The following ERBB4 variants were observed in gnomAD, a reference collection of about 807,000 sequenced individuals.
ERBB4 encodes the protein receptor tyrosine-protein kinase erbB-4.
ERBB4 carries 42 observed loss-of-function variants against 158.0 expected under a neutral mutation model. That is an observed-to-expected ratio of 0.27 (90% CI 0.21 to 0.34). The LOEUF (loss-of-function observed/expected upper bound fraction) is 0.34. Ranked by LOEUF, ERBB4 falls within the 10% of genes least tolerant of loss-of-function variation. The pLI is 1.00. For synonymous variants in ERBB4, 583 were observed against 558.7 expected, an observed-to-expected ratio of 1.04 and a Z score of -0.61; for missense variants, 1,333 against 1,624.1, an observed-to-expected ratio of 0.82 and a Z score of 3.08.
chr2:211,705,991 C>T (rs1043552439), intron 9 of ERBB4, among the ~76,000 whole-genome samples: 5 of 152,018 alleles, frequency 3.3e-5, no homozygotes, highest in African/African-American at 1.2e-4. Flanking sequence ...TTCATATTCA[C>T]GTTTATAACA....
intron 1 of ERBB4, among the ~76,000 whole-genome samples, chr2:212,392,737 C>A (rs1034568562): frequency 6.6e-6 from 1 of 151,954 alleles, no homozygotes; most frequent in African/African-American, 2.4e-5. Flanking sequence ...CTTTTTTGTG[C>A]AATAATCACA....
At position 212,521,839 on chromosome 2, in the gene ERBB4, C is replaced by T. The variant is rs370695709; in HGVS notation, c.82+16610G>A. On this transcript the variant is annotated intron_variant, in intron 1 of 27. Transcript: ENST00000342788. ...TTTTACTCCTTGCAAAGTTTTACTTCGCATGATCAATTCCAAAAAGTTACT... is the reference window on the plus strand; with the variant it reads ...TTTTACTCCTTGCAAAGTTTTACTTTGCATGATCAATTCCAAAAAGTTACT... 1.3e-4 allele frequency among the ~76,000 whole-genome samples: 19 copies of T among 151,980 alleles called. No individual in the cohort carries two copies. The South Asian group carries it at 2.3e-3, about 18-fold the overall frequency.
At chr2:211,893,627 T>C in intron 3 of ERBB4, among the ~76,000 whole-genome samples, 1 of 136,776 alleles carries the variant, frequency 7.3e-6, no homozygotes, top group Non-Finnish European at 1.6e-5. Context: ...ACAGGCAACC[T>C]ACAAAATGGG....
intron 1 of ERBB4, among the ~76,000 whole-genome samples, chr2:212,322,478 T>C (rs1505346): frequency 0.89 from 134,371 of 150,340 alleles, 60,779 homozygotes; most frequent in Middle Eastern, 0.97. Flanking sequence ...GATTACTAAA[T>C]GTCTTCTAGA....
chr2:212,516,094 T>C (rs1691824837), intron 1 of ERBB4, among the ~76,000 whole-genome samples: 1 of 151,868 alleles, frequency 6.6e-6, no homozygotes, highest in African/African-American at 2.4e-5. Context: ...TTAAACATAA[T>C]AGAAAGCATA....
rs187300972 is a variant in ERBB4 at position 212,109,541 on chromosome 2, T to C, written c.234+15211A>G. Among the ~76,000 whole-genome samples, 5 of 152,342 alleles carry C rather than the reference T, an allele frequency of 3.3e-5. No individual in the cohort carries two copies. The East Asian group carries it at 9.7e-4, about 29-fold the overall frequency. The stretch of plus-strand genomic sequence containing the variant: ...AACATATTGTCCCAATTGCCTATTA[T>C]AGACACACTCTAGTCAGTCAATTCT... On this transcript the variant is annotated intron_variant, in intron 2 of 27. Transcript: ENST00000342788.
At chr2:212,520,853 A>AT (rs1692121077) in intron 1 of ERBB4, among the ~76,000 whole-genome samples, 1 of 151,760 alleles carries the variant, frequency 6.6e-6, no homozygotes, top group Admixed American at 6.6e-5. Context: ...TGGCACATCA[A>AT]TGTTAATTAG....
At chr2:211,900,140 C>A (rs186589363) in intron 3 of ERBB4, among the ~76,000 whole-genome samples, 1 of 152,154 alleles carries the variant, frequency 6.6e-6, no homozygotes, top group East Asian at 1.9e-4. Flanking sequence ...ATATAAATAC[C>A]CAGGAGTGTC....
chr2:212,509,804 T>G (rs1457352355), intron 1 of ERBB4, among the ~76,000 whole-genome samples: 3 of 151,966 alleles, frequency 2.0e-5, no homozygotes, highest in African/African-American at 7.2e-5. Context: ...TAAAAAGCTG[T>G]TGAACTTACA....
intron 18 of ERBB4, among the ~76,000 whole-genome samples, chr2:211,620,737 T>G (rs1043396576): frequency 1.3e-5 from 2 of 152,152 alleles, no homozygotes; most frequent in Non-Finnish European, 2.9e-5. Context: ...AGGCTTATTA[T>G]TCATTATTCA....
intron 1 of ERBB4, among the ~76,000 whole-genome samples, chr2:212,334,764 A>G (rs1012814633): frequency 1.1e-4 from 16 of 152,154 alleles, no homozygotes; most frequent in African/African-American, 3.1e-4. Context: ...TCTGATGCCA[A>G]TGAATTTAGA....
At chr2:212,158,902 C>T (rs577486630) in intron 1 of ERBB4, among the ~76,000 whole-genome samples, 2 of 152,052 alleles carry the variant, frequency 1.3e-5, no homozygotes, top group East Asian at 1.9e-4. Context: ...TTATAGCATA[C>T]AGAGTGGAAT....
intron 1 of ERBB4, among the ~76,000 whole-genome samples, chr2:212,357,710 C>A (rs1447854214): frequency 6.6e-6 from 1 of 151,766 alleles, no homozygotes; most frequent in Non-Finnish European, 1.5e-5. Flanking sequence ...ACGTAGCTTT[C>A]TATCAAAGAC....
At chr2:212,514,195 G>C (rs987905117) in intron 1 of ERBB4, among the ~76,000 whole-genome samples, 1 of 149,142 alleles carries the variant, frequency 6.7e-6, no homozygotes, top group South Asian at 2.1e-4. Flanking sequence ...AAAAAAAAAA[G>C]CTTTGCTGCA....
intron 1 of ERBB4, among the ~76,000 whole-genome samples, chr2:212,353,345 T>C (rs1574750195): frequency 6.6e-6 from 1 of 150,504 alleles, no homozygotes; most frequent in Admixed American, 6.7e-5. Flanking sequence ...CAAATATGTA[T>C]ATAATATGTA....
chr2:211,722,051 C>T (rs1484603466), intron 7 of ERBB4, among the ~76,000 whole-genome samples: 5 of 152,016 alleles, frequency 3.3e-5, no homozygotes, highest in South Asian at 2.1e-4. Flanking sequence ...TCTGTAGAGA[C>T]GGGGTTTCAC....
intron 3 of ERBB4, among the ~76,000 whole-genome samples, chr2:211,847,886 G>A (rs10932410): frequency 6.6e-5 from 10 of 151,984 alleles, no homozygotes; most frequent in African/African-American, 2.4e-4. Flanking sequence ...CATCTAGGCC[G>A]TTTTTGTCTA....
intron 1 of ERBB4, among the ~76,000 whole-genome samples, chr2:212,286,605 T>TTTGTTTTTTTTTTG (rs1452719439): frequency 7.8e-6 from 1 of 127,884 alleles, no homozygotes; most frequent in Non-Finnish European, 1.7e-5. Context: ...TTTTTTTTTT[T>TTTGTTTTTTTTTTG]TTTTTTTTTT....
At chr2:211,683,928 T>G (rs192557776) in intron 12 of ERBB4, among the ~76,000 whole-genome samples, 3 of 152,272 alleles carry the variant, frequency 2.0e-5, no homozygotes, top group Non-Finnish European at 2.9e-5. Flanking sequence ...AATTTAGATT[T>G]CCATAAAATG....
Sources: gnomAD v4.1 joint callset for allele counts (sites outside exome capture counted in the v4.1 genomes callset) on GRCh38, gnomAD v4.1.1 for gene constraint, MANE v1.5 for transcripts, NCBI Gene and HGNC (gene_info 2026-07-23, HGNC 2026-07-21) for gene names.